TCF12: variants seen among roughly 807,000 people sequenced by gnomAD.
TCF12 encodes the protein transcription factor 12, also known as DNA-binding protein HTF4.
TCF12 carries 45 observed loss-of-function variants against 86.0 expected under a neutral mutation model. That is an observed-to-expected ratio of 0.52 (90% confidence interval 0.41 to 0.67). The LOEUF is 0.67. TCF12 is among the 30% of genes least tolerant of loss of function. The pLI, the probability that TCF12 is intolerant of heterozygous loss-of-function variation, is 0.00. For synonymous variants in TCF12, 330 were observed against 299.6 expected, an observed-to-expected ratio of 1.10 and a Z score of -1.05; for missense variants, 881 against 859.9, an observed-to-expected ratio of 1.02 and a Z score of -0.31.
At chr15:56,940,993 T>C (rs1245855890) in intron 3 of TCF12, among the ~76,000 whole-genome samples, 1 of 147,510 alleles carries the variant, frequency 6.8e-6, no homozygotes, top group Non-Finnish European at 1.5e-5. Flanking sequence ...ACTCCTGACC[T>C]CAAGCAGTCT....
At chr15:57,216,981 C>G (rs1432879245) in intron 8 of TCF12, among the ~76,000 whole-genome samples, 1 of 152,026 alleles carries the variant, frequency 6.6e-6, no homozygotes, top group African/African-American at 2.4e-5. Flanking sequence ...ATTATAGATA[C>G]AGGCATAGAG....
chr15:56,940,004 A>G (rs1436097086), intron 3 of TCF12, among the ~76,000 whole-genome samples: 1 of 127,472 alleles, frequency 7.8e-6, no homozygotes, highest in Non-Finnish European at 1.6e-5. Context: ...CAGGGTATAT[A>G]GCACTTTTGG....
intron 3 of TCF12, among the ~76,000 whole-genome samples, chr15:56,948,751 A>C (rs1481664168): frequency 6.6e-6 from 1 of 152,222 alleles, no homozygotes; most frequent in African/African-American, 2.4e-5. Flanking sequence ...AGGAACATCA[A>C]AATGTATTGC....
chr15:57,014,892 ATT>A (rs1567255678), intron 3 of TCF12, among the ~76,000 whole-genome samples: 1 of 139,678 alleles, frequency 7.2e-6, no homozygotes, highest in Non-Finnish European at 1.6e-5. Context: ...TATTATTATT[ATT>A]GTTATTATTA....
At chr15:57,120,551 A>G (rs1460191241) in intron 5 of TCF12, among the ~76,000 whole-genome samples, 2 of 152,230 alleles carry the variant, frequency 1.3e-5, no homozygotes, top group African/African-American at 4.8e-5. Context: ...GTTTGAATGC[A>G]TATCTGTCTC....
intron 5 of TCF12, among the ~76,000 whole-genome samples, chr15:57,119,034 T>G (rs1305347908): frequency 6.6e-6 from 1 of 152,208 alleles, no homozygotes; most frequent in Non-Finnish European, 1.5e-5. Context: ...TGTGATAGGT[T>G]AGTCATGAAT....
chr15:56,997,904 C>T (rs1049873687), intron 3 of TCF12, among the ~76,000 whole-genome samples: 5 of 151,964 alleles, frequency 3.3e-5, no homozygotes, highest in Admixed American at 6.6e-5. Flanking sequence ...GAAAGAAAAC[C>T]CTAGTGGCTA....
chr15:57,080,966 T>A (rs572397485), intron 4 of TCF12, among the ~76,000 whole-genome samples: 51 of 152,250 alleles, frequency 3.3e-4, no homozygotes, highest in African/African-American at 1.2e-3. Context: ...AGAGAAAAGT[T>A]CTGCGGTAGA....
intron 3 of TCF12, among the ~76,000 whole-genome samples, chr15:56,934,573 G>A (rs114484918): frequency 0.013 from 1,941 of 152,262 alleles, 47 homozygotes; most frequent in African/African-American, 0.04. Flanking sequence ...TGCTCCTGCA[G>A]CATCCAGTAT....
At chr15:57,283,042 T>C (rs1255449129) in intron 20 of TCF12, among the ~76,000 whole-genome samples, 3 of 152,252 alleles carry the variant, frequency 2.0e-5, no homozygotes, top group Non-Finnish European at 4.4e-5. Flanking sequence ...GAAAAAGTTA[T>C]CACTTGTATT....
chr15:57,261,160 C>G (rs1470531182), intron 16 of TCF12, among the ~76,000 whole-genome samples: 2 of 152,080 alleles, frequency 1.3e-5, no homozygotes, highest in Non-Finnish European at 2.9e-5. Context: ...ATGACCAATC[C>G]TAAAATCATT....
chr15:57,069,228 G>A (rs184550882), intron 4 of TCF12, among the ~76,000 whole-genome samples: 16 of 152,236 alleles, frequency 1.1e-4, no homozygotes, highest in African/African-American at 3.9e-4. Context: ...AGATAGAATT[G>A]AGTTCACTGA....
At chr15:57,063,244 G>A (rs1453166385) in intron 3 of TCF12, among the ~76,000 whole-genome samples, 1 of 152,154 alleles carries the variant, frequency 6.6e-6, no homozygotes, top group East Asian at 1.9e-4. Context: ...ATGTTGATTT[G>A]ATATGGTTGA....
At chr15:57,280,261 A>C (rs1246776589) in intron 19 of TCF12, among the ~76,000 whole-genome samples, 1 of 152,192 alleles carries the variant, frequency 6.6e-6, no homozygotes, top group African/African-American at 2.4e-5. Context: ...ACTACTTATT[A>C]AGAAAGCAGC....
rs1272447254 is a variant in TCF12 at position 57,185,447 on chromosome 15, C to T, written c.391-6711C>T. 2.0e-5 allele frequency among the ~76,000 whole-genome samples: 3 copies of T among 152,198 alleles called. No individual in the cohort carries two copies. In the East Asian group the frequency reaches 5.8e-4, roughly 29 times the overall value. ...GAAGAAGCAAGCACCAAATCAGTAA[C>T]CTAACTTCATACCTTAAGAAACAAG... On this transcript the variant is annotated intron_variant, in intron 6 of 20. Coordinates refer to ENST00000333725, the MANE Select transcript of TCF12 (RefSeq NM_207037.2).
chr15:57,160,247 G>A (rs2703616), intron 5 of TCF12, among the ~76,000 whole-genome samples: 3,501 of 152,290 alleles, frequency 0.023, 135 homozygotes, highest in African/African-American at 0.08. Context: ...GAGGCCTCAG[G>A]AAACTTAAAT....
At chr15:57,221,691 A>T (rs537635423) in intron 8 of TCF12, among the ~76,000 whole-genome samples, 17 of 152,118 alleles carry the variant, frequency 1.1e-4, no homozygotes, top group African/African-American at 3.6e-4. Context: ...AAATAAAGAG[A>T]TGATATGTTG....
rs1014608943 is a variant in TCF12, at chr15:57,212,888, G to A, written c.579+15063G>A. Among the ~76,000 whole-genome samples the A allele has an allele frequency of 5.9e-5, 9 of 152,246 alleles. No homozygotes were observed. In the East Asian group the frequency reaches 1.7e-3, roughly 29 times the overall value. On this transcript the variant is annotated intron_variant, in intron 8 of 20. Transcript: ENST00000333725. ...GACTCCCAGTTTAGTGCTCTTTCGC[G>A]TTACATGATATAACTCCACAGTTTT...
chr15:56,933,206 T>C (rs548854219), intron 3 of TCF12, among the ~76,000 whole-genome samples: 3 of 152,350 alleles, frequency 2.0e-5, no homozygotes, highest in East Asian at 1.9e-4. Context: ...ATGGAAAATA[T>C]TTATTCCAAA....
Sources: gnomAD v4.1 joint callset for allele counts (sites outside exome capture counted in the v4.1 genomes callset) on GRCh38, gnomAD v4.1.1 for gene constraint, MANE v1.5 for transcripts, NCBI Gene and HGNC (gene_info 2026-07-23, HGNC 2026-07-21) for gene names.